VASH2: variants seen among roughly 807,000 people sequenced by gnomAD.
VASH2 encodes tubulinyl-Tyr carboxypeptidase 2.
Under a neutral mutation model 37.2 loss-of-function variants are expected in VASH2, and 28 were observed. The observed-to-expected ratio is 0.75, with a 90% CI of 0.56 to 1.03. The LOEUF is 1.03. Among genes scored for constraint, VASH2 ranks in the 50% least tolerant of loss-of-function variants. VASH2 has a pLI of 0.00. For synonymous variants in VASH2, 188 were observed against 174.7 expected (o/e 1.08, Z -0.60); for missense variants, 419 against 459.1 (o/e 0.91, Z 0.80).
intron 2 of VASH2, among the ~76,000 whole-genome samples, chr1:212,952,092 CTAT>C (rs1358808945): frequency 6.6e-6 from 1 of 152,148 alleles, no homozygotes; most frequent in African/African-American, 2.4e-5. Flanking sequence ...CAGCCAAACT[CTAT>C]TATTTACTCA....
Position 212,951,603 on chromosome 1 carries a change from C to A in VASH2, c.61C>A (p.Arg21=), listed in dbSNP as rs1287233323. 1.9e-6 allele frequency: 3 copies of A among 1,553,810 alleles called. No homozygotes were observed. Among genetic ancestry groups the A allele is most frequent in the Non-Finnish European group, 1.7e-6 (2 of 1,149,090 alleles). The change falls in exon 2 of 8, where the codon CGG becomes AGG. Residue 21 remains arginine, a synonymous_variant. Transcript: ENST00000517399. This position sits in a 1 kb window ranked among gnomAD's most constrained non-coding sequence, Gnocchi z 4.4. ...CPHPKGAKGT[R]SRSSHARPVS... ...CCACCCCAAAGGCGCCAAAGGCACCCGGTCCCGGAGCAGCCACGCGCGGCC... is the reference window on the plus strand; with the variant it reads ...CCACCCCAAAGGCGCCAAAGGCACCAGGTCCCGGAGCAGCCACGCGCGGCC...
intron 3 of VASH2, among the ~76,000 whole-genome samples, chr1:212,961,843 G>A (rs377060468): frequency 2.6e-5 from 4 of 152,204 alleles, no homozygotes; most frequent in East Asian, 1.9e-4. Flanking sequence ...CAAGTGATCC[G>A]CCCACCTCGG....
Position 212,972,835 on chromosome 1 carries a change from C to T in VASH2, c.753C>T (p.Tyr251=), listed in dbSNP as rs140457516. The T allele has an allele frequency of 1.0e-3, 1,654 of 1,614,172 alleles. 3 individuals are homozygous for T. The highest frequency in any genetic ancestry group is 1.3e-3 in the Non-Finnish European group (1,524 of 1,180,040). ...HTVKKVKIGL[Y]VPHEPHSFQP... is the part of the protein sequence containing the mutation. Reference sequence around the variant, plus strand: ...TCAAGAAGGTCAAGATTGGGCTGTACGTCCCCCATGAGCCTCATAGCTTCC... The same window carrying T: ...TCAAGAAGGTCAAGATTGGGCTGTATGTCCCCCATGAGCCTCATAGCTTCC... Residue 251 remains tyrosine (Y), a synonymous_variant, in exon 6 of 8, where the codon TAC becomes TAT. Transcript: ENST00000517399.
Position 212,991,353 on chromosome 1 carries a change from C to G in VASH2, c.*2769C>G, listed in dbSNP as rs1025014829. ...AACCTTGTACAGTTTTTTTGACATA[C>G]AATTCAGAACTTTGTTTATTCTCTT... On this transcript the variant is annotated 3_prime_UTR_variant, in exon 8 of 8. Coordinates refer to ENST00000517399, the MANE Select transcript of VASH2 (RefSeq NM_001301056.2). 3.3e-5 allele frequency: 5 copies of G among 152,242 alleles called. No individual in the cohort carries two copies. In the South Asian group the frequency reaches 6.2e-4, roughly 19 times the overall value. 9.4% of individuals were successfully genotyped at this position (152,242 alleles called of 1,614,324 possible).
At chr1:212,968,181 G>C in intron 5 of VASH2, 1 of 984,194 alleles carries the variant, frequency 1.0e-6, no homozygotes, top group Non-Finnish European at 1.2e-6. Context: ...GCTCACAGGG[G>C]AATCTGCACT....
intron 2 of VASH2, among the ~76,000 whole-genome samples, chr1:212,952,091 T>G (rs370927273): frequency 1.3e-5 from 2 of 152,136 alleles, no homozygotes; most frequent in South Asian, 2.1e-4. Flanking sequence ...CCAGCCAAAC[T>G]CTATTATTTA....
At chr1:212,987,876 G>A (rs934584586) in intron 7 of VASH2, among the ~76,000 whole-genome samples, 2 of 152,202 alleles carry the variant, frequency 1.3e-5, no homozygotes, top group Non-Finnish European at 1.5e-5. Flanking sequence ...GTATTTCCCA[G>A]CTTGAAGTAC....
intron 3 of VASH2, among the ~76,000 whole-genome samples, chr1:212,962,942 T>C (rs1410209420): frequency 6.6e-6 from 1 of 151,548 alleles, no homozygotes; most frequent in Non-Finnish European, 1.5e-5. Context: ...TAGGCTATTC[T>C]AGAAGGTGAC....
intron 5 of VASH2, among the ~76,000 whole-genome samples, chr1:212,966,704 GAC>G (rs1666860508): frequency 6.6e-6 from 1 of 152,196 alleles, no homozygotes; most frequent in Non-Finnish European, 1.5e-5. Context: ...CAGCAGGAAA[GAC>G]AGTCAAGGGG....
At chr1:212,987,193 C>G (rs1667504208) in intron 7 of VASH2, among the ~76,000 whole-genome samples, 1 of 151,808 alleles carries the variant, frequency 6.6e-6, no homozygotes, top group African/African-American at 2.4e-5. Flanking sequence ...AAACCATTAG[C>G]TGTTAGGAAA....
Position 212,991,004 on chromosome 1 carries a change from A to G in VASH2, c.*2420A>G, listed in dbSNP as rs1376246010. 1 of 152,204 alleles carries G rather than the reference A, an allele frequency of 6.6e-6. No individual in the cohort carries two copies. Among genetic ancestry groups the G allele is most frequent in the African/African-American group, 2.4e-5 (1 of 41,460 alleles). The allele number at this position is 152,204 out of a possible 1,614,324, so 9.4% of individuals were successfully genotyped here. ...TAGAATTCAAAATATAAAAAATAAA[A>G]CTATGAAGTGATTTGAAATCGGTTT... On this transcript the variant is annotated 3_prime_UTR_variant, in exon 8 of 8. Coordinates refer to ENST00000517399, the MANE Select transcript of VASH2 (RefSeq NM_001301056.2).
intron 7 of VASH2, among the ~76,000 whole-genome samples, chr1:212,976,543 G>C (rs1667176508): frequency 6.8e-6 from 1 of 147,392 alleles, no homozygotes; most frequent in African/African-American, 2.5e-5. Context: ...TTGCTCTCCA[G>C]TCTGGGCGAA....
intron 2 of VASH2, among the ~76,000 whole-genome samples, chr1:212,958,960 C>T (rs1310060590): frequency 6.6e-6 from 1 of 151,914 alleles, no homozygotes; most frequent in Non-Finnish European, 1.5e-5. Context: ...AACTTCTGGG[C>T]TCAAGCGATC....
intron 2 of VASH2, among the ~76,000 whole-genome samples, chr1:212,957,769 C>A (rs1329150307): frequency 6.6e-6 from 1 of 152,110 alleles, no homozygotes; most frequent in South Asian, 2.1e-4. Context: ...TACCACCATG[C>A]CCAGCTGATT....
At chr1:212,956,133 C>T (rs1307873235) in intron 2 of VASH2, among the ~76,000 whole-genome samples, 1 of 152,212 alleles carries the variant, frequency 6.6e-6, no homozygotes, top group African/African-American at 2.4e-5. Context: ...CTGGTCTTTC[C>T]CTTCTCTGCC....
intron 7 of VASH2, among the ~76,000 whole-genome samples, chr1:212,976,784 T>G (rs1293236874): frequency 6.6e-6 from 1 of 152,212 alleles, no homozygotes; most frequent in African/African-American, 2.4e-5. Context: ...CCTGCCCATC[T>G]GGCACACCAG....
intron 7 of VASH2, among the ~76,000 whole-genome samples, chr1:212,977,101 A>G (rs1424468134): frequency 6.6e-6 from 1 of 152,170 alleles, no homozygotes; most frequent in Non-Finnish European, 1.5e-5. Context: ...GGTGACATTT[A>G]GAGAGGCAGT....
intron 5 of VASH2, chr1:212,967,320 C>T (rs1281032882): frequency 8.1e-7 from 1 of 1,237,884 alleles, no homozygotes; most frequent in African/African-American, 1.5e-5. Flanking sequence ...TGGAATCACC[C>T]ACAACCCTTT....
intron 5 of VASH2, chr1:212,967,145 C>G (rs747634563): frequency 4.0e-5 from 52 of 1,304,378 alleles, no homozygotes; most frequent in Non-Finnish European, 5.2e-5. Flanking sequence ...TCTAGCTTCT[C>G]CCACACTTTC....
Sources: allele counts gnomAD v4.1 joint callset (sites outside exome capture counted in the v4.1 genomes callset), GRCh38; gene constraint gnomAD v4.1.1; non-coding constraint Gnocchi (gnomAD v3.1); transcripts MANE v1.5; gene names NCBI Gene and HGNC (gene_info 2026-07-23, HGNC 2026-07-21).